Variants in FGGY observed in about 807,000 individuals in gnomAD.
FGGY encodes the protein FGGY carbohydrate kinase domain containing.
In FGGY, 72 loss-of-function variants were observed where a neutral mutation model predicts 71.3. That is an observed-to-expected ratio of 1.01 (90% confidence interval 0.84 to 1.23). FGGY has a LOEUF of 1.23. Among genes scored for constraint, FGGY ranks in the 50% most tolerant of loss-of-function variants. The probability of loss-of-function intolerance (pLI) is 0.00; values close to 1 mark genes in which losing one functional copy is unlikely to be tolerated. For synonymous variants in FGGY, 251 were observed against 250.3 expected, an observed-to-expected ratio of 1.00 and a Z score of -0.02; for missense variants, 668 against 682.3, an observed-to-expected ratio of 0.98 and a Z score of 0.23.
intron 7 of FGGY, among the ~76,000 whole-genome samples, chr1:59,542,101 G>A (rs1227803530): frequency 6.6e-6 from 1 of 152,138 alleles, no homozygotes; most frequent in Non-Finnish European, 1.5e-5. Flanking sequence ...TAATCATAAG[G>A]TCAGAGGAAA....
chr1:59,597,765 C>G (rs934407945), intron 8 of FGGY, among the ~76,000 whole-genome samples: 3 of 152,204 alleles, frequency 2.0e-5, no homozygotes, highest in Non-Finnish European at 4.4e-5. Context: ...GGAGACTGCC[C>G]TCAGGCATCC....
At chr1:59,532,484 T>A (rs953210748) in intron 7 of FGGY, among the ~76,000 whole-genome samples, 1 of 152,168 alleles carries the variant, frequency 6.6e-6, no homozygotes, top group African/African-American at 2.4e-5. Context: ...TTTTCAAAAC[T>A]TATAAAAGAA....
intron 11 of FGGY, among the ~76,000 whole-genome samples, chr1:59,644,494 A>C (rs2097069865): frequency 6.6e-6 from 1 of 152,204 alleles, no homozygotes; most frequent in Non-Finnish European, 1.5e-5. Flanking sequence ...TGATAAATGA[A>C]GCACAGAAAG....
At chr1:59,379,004 C>T (rs1240637080) in intron 5 of FGGY, among the ~76,000 whole-genome samples, 167 bp downstream of exon 5, 3 of 152,102 alleles carry the variant, frequency 2.0e-5, no homozygotes, top group Admixed American at 6.5e-5. Flanking sequence ...ACTGCACATG[C>T]CCAAACACTG....
At chr1:59,633,144 G>A (rs1192672622) in intron 10 of FGGY, among the ~76,000 whole-genome samples, 3 of 151,756 alleles carry the variant, frequency 2.0e-5, no homozygotes, top group Non-Finnish European at 2.9e-5. Context: ...CTGAGTAGCT[G>A]GGACTACAGG....
intron 14 of FGGY, among the ~76,000 whole-genome samples, chr1:59,750,945 C>G (rs1054159970): frequency 5.3e-5 from 8 of 151,500 alleles, no homozygotes; most frequent in Non-Finnish European, 1.2e-4. Flanking sequence ...ATTGATGCAT[C>G]TCACTGATAC....
chr1:59,472,517 G>A (rs562956440), intron 6 of FGGY, among the ~76,000 whole-genome samples: 9 of 152,378 alleles, frequency 5.9e-5, no homozygotes, highest in African/African-American at 2.2e-4. Context: ...GCCCCGGTGC[G>A]GGATCCACTG....
At position 59,681,679 on chromosome 1, in the gene FGGY, G is replaced by A. The variant is rs146282960; in HGVS notation, c.1512+7546G>A. Among the ~76,000 whole-genome samples the A allele has an allele frequency of 6.5e-3, 983 of 152,084 alleles. 9 individuals carry two copies. Among genetic ancestry groups the A allele is most frequent in the African/African-American group, 0.02 (850 of 41,480 alleles). ...TTTACACTAAAATAACTCATGAATA[G>A]CAATGAAATCCATGCTGTATAATAT... On this transcript the variant is annotated intron_variant, in intron 14 of 15. Transcript: ENST00000303721.
chr1:59,726,830 G>T (rs1490861308), intron 14 of FGGY, among the ~76,000 whole-genome samples: 1 of 151,886 alleles, frequency 6.6e-6, no homozygotes, highest in Non-Finnish European at 1.5e-5. Flanking sequence ...TTGCTTTCCT[G>T]TGTTTAAATT....
At chr1:59,566,162 G>T (rs2095869865) in intron 8 of FGGY, among the ~76,000 whole-genome samples, 2 of 152,090 alleles carry the variant, frequency 1.3e-5, no homozygotes, top group South Asian at 4.2e-4. Flanking sequence ...CCCTCAGTAA[G>T]AGGAGAGGGT....
intron 1 of FGGY, among the ~76,000 whole-genome samples, chr1:59,316,898 A>G (rs2045558253): frequency 6.6e-6 from 1 of 151,960 alleles, no homozygotes; most frequent in Non-Finnish European, 1.5e-5. Flanking sequence ...CCATATCCCT[A>G]ACAGCTGTTT....
chr1:59,477,996 C>T (rs1237177264), intron 6 of FGGY, among the ~76,000 whole-genome samples: 1 of 152,066 alleles, frequency 6.6e-6, no homozygotes, highest in African/African-American at 2.4e-5. Flanking sequence ...GTTTTGGAGC[C>T]AGATATACAT....
chr1:59,527,380 C>T (rs543043811), intron 7 of FGGY, among the ~76,000 whole-genome samples: 1 of 152,348 alleles, frequency 6.6e-6, no homozygotes, highest in South Asian at 2.1e-4. Context: ...ATTCCTGCAT[C>T]TCTACCTTCA....
intron 3 of FGGY, among the ~76,000 whole-genome samples, chr1:59,340,606 T>A (rs1345619174): frequency 2.0e-5 from 3 of 152,158 alleles, no homozygotes; most frequent in Non-Finnish European, 2.9e-5. Context: ...CACTTGTGAG[T>A]ACAGAAATGA....
At chr1:59,453,420 G>A (rs1478115328) in intron 5 of FGGY, among the ~76,000 whole-genome samples, 1 of 152,160 alleles carries the variant, frequency 6.6e-6, no homozygotes, top group Non-Finnish European at 1.5e-5. Context: ...AACTATTGCT[G>A]TATTATGAAC....
intron 5 of FGGY, among the ~76,000 whole-genome samples, chr1:59,381,696 G>A (rs907539326): frequency 6.7e-6 from 1 of 150,300 alleles, no homozygotes; most frequent in Admixed American, 6.6e-5. Flanking sequence ...ATATTAACTA[G>A]GAGATACATT....
intron 5 of FGGY, among the ~76,000 whole-genome samples, chr1:59,384,193 A>G (rs896994008): frequency 2.6e-5 from 4 of 151,884 alleles, no homozygotes; most frequent in Non-Finnish European, 4.4e-5. Flanking sequence ...GACTCATTCT[A>G]TTTTCATTAG....
At chr1:59,585,446 C>G (rs2096268733) in intron 8 of FGGY, among the ~76,000 whole-genome samples, 1 of 152,140 alleles carries the variant, frequency 6.6e-6, no homozygotes, top group Non-Finnish European at 1.5e-5. Flanking sequence ...ATAAATGGTG[C>G]TGGGAAAACT....
intron 14 of FGGY, among the ~76,000 whole-genome samples, chr1:59,701,955 A>G (rs1336421425): frequency 6.6e-6 from 1 of 152,184 alleles, no homozygotes; most frequent in East Asian, 1.9e-4. Context: ...TGCTATAAAG[A>G]TACTACCTGA....
Sources: allele counts gnomAD v4.1 joint callset (sites outside exome capture counted in the v4.1 genomes callset), GRCh38; gene constraint gnomAD v4.1.1; transcripts MANE v1.5; gene names NCBI Gene and HGNC (gene_info 2026-07-23, HGNC 2026-07-21).